Variants in ADGRB3 observed in about 807,000 individuals in gnomAD.
ADGRB3 encodes brain-specific angiogenesis inhibitor 3.
In ADGRB3, 37 loss-of-function variants were observed where a neutral mutation model predicts 193.4. That is an observed-to-expected ratio of 0.19 (90% CI 0.15 to 0.25). The LOEUF (loss-of-function observed/expected upper bound fraction) is 0.25. Ranked by LOEUF, ADGRB3 falls within the 10% of genes least tolerant of loss-of-function variation. The probability of loss-of-function intolerance (pLI) is 1.00; values close to 1 mark genes in which losing one functional copy is unlikely to be tolerated. For missense variants in ADGRB3, 1,637 were observed against 1,852.9 expected, an observed-to-expected ratio of 0.88 and a Z score of 2.14; for synonymous variants, 690 against 644.2, an observed-to-expected ratio of 1.07 and a Z score of -1.08.
At chr6:69,153,177 GA>G (rs1774728114) in intron 17 of ADGRB3, among the ~76,000 whole-genome samples, 2 of 152,032 alleles carry the variant, frequency 1.3e-5, no homozygotes, top group African/African-American at 4.8e-5. Context: ...TAAAAAGTAA[GA>G]AAAGTTTTTA....
chr6:69,326,455 A>G (rs985251148), intron 21 of ADGRB3, among the ~76,000 whole-genome samples: 1 of 152,152 alleles, frequency 6.6e-6, no homozygotes, highest in Admixed American at 6.6e-5. Flanking sequence ...AAGATTAGTG[A>G]CTACCTTGTT....
chr6:69,237,806 A>G (rs1172105901), intron 19 of ADGRB3, among the ~76,000 whole-genome samples: 6 of 152,024 alleles, frequency 3.9e-5, no homozygotes, highest in Non-Finnish European at 8.8e-5. Flanking sequence ...CCCCACCCAC[A>G]AAAAAGAGAC....
chr6:69,169,001 T>C (rs924112083), intron 17 of ADGRB3, among the ~76,000 whole-genome samples: 11 of 152,128 alleles, frequency 7.2e-5, no homozygotes, highest in Non-Finnish European at 1.3e-4. Context: ...TTTAAAGGGA[T>C]TTACCTTCAC....
At chr6:69,305,665 T>C (rs1768053869) in intron 20 of ADGRB3, among the ~76,000 whole-genome samples, 1 of 151,214 alleles carries the variant, frequency 6.6e-6, no homozygotes, top group Non-Finnish European at 1.5e-5. Flanking sequence ...CCTACAGCCA[T>C]GGTGACGTTT....
intron 5 of ADGRB3, among the ~76,000 whole-genome samples, chr6:68,940,547 C>CTTTTTTTTATTTTTTTTTT (rs1767607028): frequency 1.4e-5 from 1 of 69,216 alleles, no homozygotes; most frequent in Non-Finnish European, 2.6e-5. Context: ...TGCTTTTGAA[C>CTTTTTTTTATTTTTTTTTT]TTTTTTTTTT....
At chr6:69,161,846 GC>G (rs776193559) in intron 17 of ADGRB3, among the ~76,000 whole-genome samples, 5 of 152,074 alleles carry the variant, frequency 3.3e-5, no homozygotes, top group Non-Finnish European at 5.9e-5. Flanking sequence ...TCATCAGGTA[GC>G]TTCTCCATAG....
Position 68,664,737 on chromosome 6 carries a change from C to G in ADGRB3, c.757+25305C>G, listed in dbSNP as rs1413029216. On this transcript the variant is annotated intron_variant, in intron 3 of 31. Coordinates refer to ENST00000370598, the MANE Select transcript of ADGRB3 (RefSeq NM_001704.3). ...AGAGAGTTAAGCGTGCCCAGGGATT[C>G]ACAGTGGTAGAATGATGATTTGAAC... Among the ~76,000 whole-genome samples the G allele has an allele frequency of 1.3e-5, 2 of 151,748 alleles. 1 individual carries two copies. The highest frequency in any genetic ancestry group is 1.3e-4 in the Admixed American group (2 of 15,196).
At chr6:69,063,078 C>G in intron 16 of ADGRB3, 42 bp downstream of exon 16, 2 of 1,424,594 alleles carry the variant, frequency 1.4e-6, no homozygotes, top group Non-Finnish European at 2.0e-6. Context: ...TATGGAATTA[C>G]CTTTCTAACA....
intron 3 of ADGRB3, among the ~76,000 whole-genome samples, chr6:68,663,893 A>T (rs1768734552): frequency 6.6e-6 from 1 of 151,806 alleles, no homozygotes; most frequent in African/African-American, 2.4e-5. Context: ...GAGTTACATT[A>T]TCTATAAATT....
Position 69,227,220 on chromosome 6 carries a change from A to C in ADGRB3, c.2481-6070A>C, listed in dbSNP as rs547794001. On this transcript the variant is annotated intron_variant, in intron 17 of 31. Coordinates refer to ENST00000370598, the MANE Select transcript of ADGRB3 (RefSeq NM_001704.3). The stretch of plus-strand genomic sequence containing the variant: ...TAGCACAAAATGCCAAGAAAGGCCA[A>C]TAAGGAGCTCAGAGCAGTTGGGAGT... 5.3e-5 allele frequency among the ~76,000 whole-genome samples: 8 copies of C among 152,326 alleles called. 1 individual carries two copies. Among genetic ancestry groups the C allele is most frequent in the African/African-American group, 1.7e-4 (7 of 41,572 alleles).
At chr6:69,104,595 C>A (rs1158449726) in intron 17 of ADGRB3, among the ~76,000 whole-genome samples, 1 of 151,978 alleles carries the variant, frequency 6.6e-6, no homozygotes, top group East Asian at 1.9e-4. Context: ...CAAATGAAAT[C>A]ATGTAAAGAA....
intron 13 of ADGRB3, among the ~76,000 whole-genome samples, chr6:69,027,654 G>T (rs780564126): frequency 2.6e-5 from 4 of 152,144 alleles, no homozygotes. Context: ...TATTATAATA[G>T]ACTATTTGGC....
chr6:69,330,076 G>A (rs1475551392), intron 22 of ADGRB3, among the ~76,000 whole-genome samples: 1 of 152,002 alleles, frequency 6.6e-6, no homozygotes, highest in African/African-American at 2.4e-5. Context: ...TGACCTCGAG[G>A]AAGAGCAGGT....
chr6:69,309,767 T>C lies in ADGRB3; in HGVS notation c.2815-15105T>C, dbSNP rs550258183. Reference sequence around the variant, plus strand: ...GTTAGACGTAATTGAATTCTCTTTCTTCTCTCTTTCTTGCTCCAATACTAA... The same window carrying C: ...GTTAGACGTAATTGAATTCTCTTTCCTCTCTCTTTCTTGCTCCAATACTAA... On this transcript the variant is annotated intron_variant, in intron 20 of 31. Transcript: ENST00000370598. 9.3e-4 allele frequency among the ~76,000 whole-genome samples: 141 copies of C among 151,748 alleles called. 1 individual carries two copies. In the South Asian group the frequency reaches 0.015, roughly 16 times the overall value.
At chr6:69,154,267 G>A (rs1027718243) in intron 17 of ADGRB3, among the ~76,000 whole-genome samples, 4 of 152,102 alleles carry the variant, frequency 2.6e-5, no homozygotes, top group Admixed American at 1.3e-4. Context: ...AATTGCAGTA[G>A]GAGACATAAT....
intron 17 of ADGRB3, among the ~76,000 whole-genome samples, chr6:69,190,975 T>A (rs1011536139): frequency 1.3e-5 from 2 of 152,158 alleles, no homozygotes; most frequent in Admixed American, 6.6e-5. Flanking sequence ...CTCTATGAGG[T>A]TTGTGCTACA....
At chr6:69,177,495 T>A (rs542956138) in intron 17 of ADGRB3, among the ~76,000 whole-genome samples, 3 of 152,134 alleles carry the variant, frequency 2.0e-5, no homozygotes, top group Admixed American at 6.5e-5. Context: ...TAGCAGGGAC[T>A]ACAGGTGCCT....
chr6:69,223,205 TATTTTTGC>T (rs1424162334), intron 17 of ADGRB3, among the ~76,000 whole-genome samples: 1 of 152,182 alleles, frequency 6.6e-6, no homozygotes, highest in African/African-American at 2.4e-5. Context: ...AGTGAACCCT[TATTTTTGC>T]ATTTTGTATG....
At chr6:68,969,211 G>C (rs1017287040) in intron 8 of ADGRB3, among the ~76,000 whole-genome samples, 1 of 151,998 alleles carries the variant, frequency 6.6e-6, no homozygotes, top group Admixed American at 6.6e-5. Flanking sequence ...GTTGTGAGAA[G>C]GGCTATAATA....
Sources: gnomAD v4.1 joint callset for allele counts (sites outside exome capture counted in the v4.1 genomes callset) on GRCh38, gnomAD v4.1.1 for gene constraint, MANE v1.5 for transcripts, NCBI Gene and HGNC (gene_info 2026-07-23, HGNC 2026-07-21) for gene names.